The following HMGA1 variants were observed in gnomAD, a reference collection of about 807,000 sequenced individuals.
The protein encoded by HMGA1 is high mobility group AT-hook 1.
HMGA1 carries 1 observed loss-of-function variant against 15.1 expected under a neutral mutation model. That is an observed-to-expected ratio of 0.07 (90% CI 0.02 to 0.31). The LOEUF (loss-of-function observed/expected upper bound fraction) is 0.31, where lower values mean the gene tolerates loss of function less well. HMGA1 is among the 10% of genes least tolerant of loss of function. HMGA1 has a pLI of 1.00. For missense variants in HMGA1, 94 were observed against 141.4 expected (o/e 0.66, Z 1.70); for synonymous variants, 56 against 54.8 (o/e 1.02, Z -0.10).
At chr6:34,240,461 C>T (rs1215581407) in intron 2 of HMGA1, among the ~76,000 whole-genome samples, 1 of 151,998 alleles carries the variant, frequency 6.6e-6, no homozygotes, top group South Asian at 2.1e-4. Context: ...CTCCTGGGAC[C>T]CCCCCCACCA....
chr6:34,240,869 G>T lies in HMGA1; in HGVS notation c.89G>T (p.Arg30Leu). The T allele has an allele frequency of 6.2e-7, 1 of 1,613,656 alleles. No individual in the cohort carries two copies. The highest frequency in any genetic ancestry group is 8.5e-7 in the Non-Finnish European group (1 of 1,179,830). ...GTEKRGRGRP[R>L]KQPPVSPGTA... Reference sequence around the variant, plus strand: ...GAGAAGCGGGGCCGGGGCAGGCCGCGCAAGCAGCCTCCGGTGAGTCCCGGG... The same window carrying T: ...GAGAAGCGGGGCCGGGGCAGGCCGCTCAAGCAGCCTCCGGTGAGTCCCGGG... Residue 30 changes from arginine to leucine, a missense_variant, in exon 3 of 6, where the codon CGC becomes CTC. Arg to Leu is a moderately radical substitution (Grantham distance 102, BLOSUM62 -2). Coordinates refer to ENST00000311487, the MANE Select transcript of HMGA1 (RefSeq NM_145899.3).
At chr6:34,240,994 G>C (rs1762258596) in intron 3 of HMGA1, 79 bp downstream of exon 3, 1 of 1,507,876 alleles carries the variant, frequency 6.6e-7, no homozygotes. Context: ...CAGCAGGCGA[G>C]ACCATGCATG....
Position 34,240,744 on chromosome 6 carries a change from G to A in HMGA1, c.-37G>A. The A allele has an allele frequency of 6.2e-7, 1 of 1,611,622 alleles. No individual in the cohort carries two copies. Among genetic ancestry groups the A allele is most frequent in the Non-Finnish European group, 8.5e-7 (1 of 1,179,618 alleles). ...CACTTTTCTGTCTCCCAGCATCCCA[G>A]CCATCACTCTTCCACCTGCTCCTTA... On this transcript the variant is annotated 5_prime_UTR_variant, in exon 3 of 6. Coordinates refer to ENST00000311487, the MANE Select transcript of HMGA1 (RefSeq NM_145899.3).
At chr6:34,241,649 G>C (rs542503451) in intron 3 of HMGA1, among the ~76,000 whole-genome samples, 5 of 152,234 alleles carry the variant, frequency 3.3e-5, no homozygotes, top group African/African-American at 1.2e-4. Flanking sequence ...GGCCATTTGG[G>C]CATGGGGGGG....
At chr6:34,244,225 A>C (rs1309130524) in intron 5 of HMGA1, among the ~76,000 whole-genome samples, 1 of 152,044 alleles carries the variant, frequency 6.6e-6, no homozygotes, top group Non-Finnish European at 1.5e-5. Context: ...AGTAACAGGA[A>C]ACAAGTTGTT....
At chr6:34,243,351 G>A (rs1313394233) in intron 4 of HMGA1, 117 bp from the exon 5 acceptor site, 21 of 811,738 alleles carry the variant, frequency 2.6e-5, no homozygotes, top group Non-Finnish European at 4.2e-5. Flanking sequence ...GGCCTGTTGG[G>A]TGAGAGTGTT....
intron 2 of HMGA1, among the ~76,000 whole-genome samples, chr6:34,237,561 G>T (rs548660526): frequency 2.3e-4 from 34 of 145,846 alleles, no homozygotes; most frequent in African/African-American, 7.6e-4. Flanking sequence ...CCCTGCGGGG[G>T]GCGGGGACCC....
rs1427970886 is a variant in HMGA1, at chr6:34,244,967, C to T, written c.*83C>T. 2 of 1,544,914 alleles carry T rather than the reference C, an allele frequency of 1.3e-6. No homozygotes were observed. Among genetic ancestry groups the T allele is most frequent in the Non-Finnish European group, 1.7e-6 (2 of 1,143,820 alleles). ...CTTTGCTCCGCTCCCACCGCCCCCA[C>T]CCCTTCCCCAGGCCCACCATCACCA... On this transcript the variant is annotated 3_prime_UTR_variant, in exon 6 of 6. Coordinates refer to ENST00000311487, the MANE Select transcript of HMGA1 (RefSeq NM_145899.3).
At chr6:34,238,244 C>T (rs935200426) in intron 2 of HMGA1, among the ~76,000 whole-genome samples, 2 of 152,020 alleles carry the variant, frequency 1.3e-5, no homozygotes, top group African/African-American at 4.8e-5. Context: ...GCAGGAGCGG[C>T]CTGCGCCCCT....
chr6:34,237,999 G>C (rs957705793), intron 2 of HMGA1, among the ~76,000 whole-genome samples: 1 of 152,158 alleles, frequency 6.6e-6, no homozygotes, highest in African/African-American at 2.4e-5. Flanking sequence ...TCGCTGCTTT[G>C]CTGGGCTCTG....
chr6:34,244,253 C>T (rs992481825), intron 5 of HMGA1, among the ~76,000 whole-genome samples: 5 of 152,226 alleles, frequency 3.3e-5, no homozygotes, highest in African/African-American at 1.2e-4. Flanking sequence ...TTGTGCCTGG[C>T]ACGGGGGCTG....
intron 5 of HMGA1, 39 bp from the exon 6 acceptor site, chr6:34,244,792 C>T: frequency 6.5e-7 from 1 of 1,538,608 alleles, no homozygotes; most frequent in Non-Finnish European, 8.8e-7. Flanking sequence ...AAGAGGGGGA[C>T]CGGGCCAGAG....
At chr6:34,237,758 TG>T (rs915106408) in intron 2 of HMGA1, among the ~76,000 whole-genome samples, 2 of 147,534 alleles carry the variant, frequency 1.4e-5, no homozygotes, top group African/African-American at 2.5e-5. Flanking sequence ...GGCAGGAGAG[TG>T]GGGGGTCGGG....
intron 2 of HMGA1, among the ~76,000 whole-genome samples, chr6:34,238,558 C>T (rs564714851): frequency 1.6e-4 from 24 of 152,264 alleles, no homozygotes; most frequent in African/African-American, 5.3e-4. Flanking sequence ...CTGCAGAGTC[C>T]TTAAGTATTT....
chr6:34,242,493 A>G (rs551875703), intron 3 of HMGA1, among the ~76,000 whole-genome samples: 2 of 152,246 alleles, frequency 1.3e-5, no homozygotes, highest in South Asian at 2.1e-4. Context: ...GTCATTTTGC[A>G]TCTTAGAAAC....
chr6:34,239,201 C>T (rs1762089146), intron 2 of HMGA1, among the ~76,000 whole-genome samples: 1 of 152,046 alleles, frequency 6.6e-6, no homozygotes, highest in South Asian at 2.1e-4. Flanking sequence ...AGGTCCTGGG[C>T]CCTCTAGAAA....
chr6:34,237,105 C>G (rs1267448883), intron 1 of HMGA1, 99 bp from the exon 2 acceptor site: 1 of 152,088 alleles, frequency 6.6e-6, no homozygotes, highest in Non-Finnish European at 1.5e-5. Flanking sequence ...ATTTTTGTCC[C>G]CCCGCCTGGC....
chr6:34,243,660 A>C, intron 5 of HMGA1, 142 bp downstream of exon 5: 1 of 781,060 alleles, frequency 1.3e-6, no homozygotes, highest in Non-Finnish European at 2.2e-6. Flanking sequence ...AGAAGTCCAG[A>C]GAGGGGAAGG....
intron 5 of HMGA1, among the ~76,000 whole-genome samples, chr6:34,244,394 C>T (rs963319252): frequency 1.3e-5 from 2 of 152,128 alleles, no homozygotes; most frequent in African/African-American, 4.8e-5. Flanking sequence ...CACAGCACAG[C>T]ATCTGCCCCT....
Sources: allele counts gnomAD v4.1 joint callset (sites outside exome capture counted in the v4.1 genomes callset), GRCh38; gene constraint gnomAD v4.1.1; transcripts MANE v1.5; gene names NCBI Gene and HGNC (gene_info 2026-07-23, HGNC 2026-07-21).